Variants in SCFD2 observed in about 807,000 individuals in gnomAD.
SCFD2 encodes sec1 family domain containing 2.
SCFD2 carries 54 observed loss-of-function variants against 58.9 expected under a neutral mutation model. The ratio of observed to expected loss-of-function variants is 0.92; its 90% CI spans 0.74 to 1.15. The LOEUF is 1.15. Among genes scored for constraint, SCFD2 ranks in the 50% most tolerant of loss-of-function variants. The pLI is 0.00. For synonymous variants in SCFD2, 321 were observed against 335.9 expected (o/e 0.96, Z 0.49); for missense variants, 805 against 836.6 (o/e 0.96, Z 0.47).
At chr4:53,082,993 C>G (rs1724194321) in intron 5 of SCFD2, among the ~76,000 whole-genome samples, 1 of 107,438 alleles carries the variant, frequency 9.3e-6, no homozygotes, top group Admixed American at 1.0e-4. Flanking sequence ...CTCTTTCTCT[C>G]TTTCTTAATA....
At chr4:53,201,279 G>GT (rs906328888) in intron 4 of SCFD2, among the ~76,000 whole-genome samples, 14 of 151,858 alleles carry the variant, frequency 9.2e-5, no homozygotes, top group African/African-American at 2.2e-4. Flanking sequence ...GAGGTGTTTG[G>GT]TTTTTTCTCC....
intron 7 of SCFD2, among the ~76,000 whole-genome samples, chr4:52,906,318 A>C (rs1156650622): frequency 6.6e-6 from 1 of 152,202 alleles, no homozygotes; most frequent in Non-Finnish European, 1.5e-5. Flanking sequence ...CTTCAGGGTA[A>C]AGCCATGCCT....
At chr4:53,340,126 G>A (rs1231692796) in intron 2 of SCFD2, among the ~76,000 whole-genome samples, 1 of 152,098 alleles carries the variant, frequency 6.6e-6, no homozygotes, top group Non-Finnish European at 1.5e-5. Flanking sequence ...GGGCAGGACA[G>A]TGGGTGCAGC....
In SCFD2 at chr4:53,054,917, G is replaced by A. The variant is rs557749728; in HGVS notation, c.1561+90416C>T. ...AATCTGTCCACTTCGGCCTCCCAAA[G>A]TGCTGGGATTACAGGTGTGAGCCAT... is the stretch of plus-strand genomic sequence containing the variant. On this transcript the variant is annotated intron_variant, in intron 5 of 8. Coordinates refer to ENST00000401642, the MANE Select transcript of SCFD2 (RefSeq NM_152540.4). Among the ~76,000 whole-genome samples, 95 of 152,244 alleles carry A rather than the reference G, an allele frequency of 6.2e-4. 1 individual carries two copies. In the South Asian group the frequency reaches 0.019, roughly 30 times the overall value.
At chr4:53,088,403 A>G (rs1724374965) in intron 5 of SCFD2, among the ~76,000 whole-genome samples, 1 of 152,172 alleles carries the variant, frequency 6.6e-6, no homozygotes, top group African/African-American at 2.4e-5. Context: ...AGAACCTCTA[A>G]CCTAGCAGTT....
chr4:53,176,830 T>C (rs34421599), intron 4 of SCFD2, among the ~76,000 whole-genome samples: 31,703 of 151,610 alleles, frequency 0.21, 3,705 homozygotes, highest in Non-Finnish European at 0.28. Flanking sequence ...TTGCCTGTAA[T>C]CCCAGCTATT....
chr4:53,356,982 C>G (rs1407897550), intron 1 of SCFD2, among the ~76,000 whole-genome samples: 1 of 151,930 alleles, frequency 6.6e-6, no homozygotes, highest in Non-Finnish European at 1.5e-5. Flanking sequence ...ATATTAATAG[C>G]CCATATTATT....
chr4:52,896,464 T>C (rs1173966345), intron 7 of SCFD2, among the ~76,000 whole-genome samples: 2 of 152,192 alleles, frequency 1.3e-5, no homozygotes, highest in Admixed American at 6.5e-5. Flanking sequence ...AAAGATCAGA[T>C]AGTTGTAGAT....
Position 53,313,898 on chromosome 4 carries a change from G to C in SCFD2, c.1008-135C>G, listed in dbSNP as rs550768692. 71 of 667,272 alleles carry C rather than the reference G, an allele frequency of 1.1e-4. No individual in the cohort carries two copies. The African/African-American group carries it at 1.2e-3, about 12-fold the overall frequency. 41.3% of individuals were successfully genotyped at this position (667,272 alleles called of 1,614,324 possible). A position where few individuals can be genotyped will look rare whatever the true frequency, so the allele number is the denominator to read the frequency against. ...TCCTACTGATAGACTCTAAGTATTA[G>C]GATTAAATAAAGAATGTCTAATTCA... is the stretch of plus-strand genomic sequence containing the variant. On this transcript the variant is annotated intron_variant, in intron 2 of 8. Transcript: ENST00000401642.
chr4:53,224,303 C>T (rs189621725), intron 4 of SCFD2, among the ~76,000 whole-genome samples: 217 of 150,970 alleles, frequency 1.4e-3, no homozygotes, highest in African/African-American at 4.9e-3. Context: ...GTAGGAGGAT[C>T]GCTTGAACCT....
At chr4:53,247,126 T>C (rs1334876114) in intron 4 of SCFD2, among the ~76,000 whole-genome samples, 1 of 151,552 alleles carries the variant, frequency 6.6e-6, no homozygotes, top group Admixed American at 6.6e-5. Flanking sequence ...AAAGAAGACA[T>C]GCATGTGGCC....
At chr4:53,014,901 T>C (rs1183407279) in intron 5 of SCFD2, among the ~76,000 whole-genome samples, 2 of 152,224 alleles carry the variant, frequency 1.3e-5, no homozygotes, top group African/African-American at 4.8e-5. Flanking sequence ...CTCTATTTTG[T>C]GAAAAACGCA....
At position 53,096,425 on chromosome 4, in the gene SCFD2, T is replaced by C. The variant is rs558843634; in HGVS notation, c.1561+48908A>G. Among the ~76,000 whole-genome samples the C allele has an allele frequency of 3.1e-3, 477 of 152,358 alleles. 1 individual carries two copies. Among genetic ancestry groups the C allele is most frequent in the African/African-American group, 0.011 (442 of 41,590 alleles). ...GATTGCCATTCTAACTGGTGTGAGA[T>C]GGTATCTCATTGTGGTTTTGACTTG... On this transcript the variant is annotated intron_variant, in intron 5 of 8. Coordinates refer to ENST00000401642, the MANE Select transcript of SCFD2 (RefSeq NM_152540.4).
At chr4:53,232,510 G>A (rs1420041866) in intron 4 of SCFD2, among the ~76,000 whole-genome samples, 1 of 152,128 alleles carries the variant, frequency 6.6e-6, no homozygotes, top group Non-Finnish European at 1.5e-5. Flanking sequence ...AAAACATACA[G>A]TACAACCAGT....
chr4:53,022,043 GGGGA>G (rs1722361951), intron 5 of SCFD2, among the ~76,000 whole-genome samples: 1 of 152,146 alleles, frequency 6.6e-6, no homozygotes, highest in Non-Finnish European at 1.5e-5. Context: ...AAATGCCAAT[GGGGA>G]TGTTGTCAGG....
rs578226267 is a variant in SCFD2, at chr4:53,056,160, C to T, written c.1561+89173G>A. Among the ~76,000 whole-genome samples, 3 of 145,626 alleles carry T rather than the reference C, an allele frequency of 2.1e-5. No homozygotes were observed. The East Asian group carries it at 6.1e-4, about 29-fold the overall frequency. On this transcript the variant is annotated intron_variant, in intron 5 of 8. Coordinates refer to ENST00000401642, the MANE Select transcript of SCFD2 (RefSeq NM_152540.4). ...TTTTTTTTCAGGTCATAGGGGAAGG[C>T]AAACAGACACATTTTTTACATTGAC...
chr4:53,354,142 C>T (rs547577922), intron 1 of SCFD2, among the ~76,000 whole-genome samples: 5 of 152,348 alleles, frequency 3.3e-5, no homozygotes, highest in East Asian at 3.9e-4. Flanking sequence ...GGACAGTGCC[C>T]GTTGGGGAGG....
chr4:52,961,555 G>A (rs970267936), intron 5 of SCFD2, among the ~76,000 whole-genome samples: 2 of 148,308 alleles, frequency 1.3e-5, no homozygotes. Flanking sequence ...ATGGAATAGT[G>A]GGAAAACCAG....
intron 4 of SCFD2, among the ~76,000 whole-genome samples, chr4:53,191,889 T>C (rs1285168892): frequency 6.6e-6 from 1 of 152,154 alleles, no homozygotes; most frequent in African/African-American, 2.4e-5. Flanking sequence ...GGAGCACTCT[T>C]TTCCTGATTT....
Sources: allele counts gnomAD v4.1 joint callset (sites outside exome capture counted in the v4.1 genomes callset), GRCh38; gene constraint gnomAD v4.1.1; transcripts MANE v1.5; gene names NCBI Gene and HGNC (gene_info 2026-07-23, HGNC 2026-07-21).